TEX14: variants seen among roughly 807,000 people sequenced by gnomAD.
The protein encoded by TEX14 is inactive serine/threonine-protein kinase TEX14.
A neutral mutation model predicts 178.6 loss-of-function variants in TEX14; 168 were observed. The ratio of observed to expected loss-of-function variants is 0.94; its 90% CI spans 0.83 to 1.07. The LOEUF (loss-of-function observed/expected upper bound fraction) is 1.07, where lower values mean the gene tolerates loss of function less well. TEX14 is among the 50% of genes least tolerant of loss of function. The pLI is 0.00. For missense variants in TEX14, 1,730 were observed against 1,753.6 expected (o/e 0.99, Z 0.24); for synonymous variants, 626 against 634.1 (o/e 0.99, Z 0.19).
intron 2 of TEX14, among the ~76,000 whole-genome samples, chr17:58,635,459 T>C: frequency 6.9e-6 from 1 of 143,914 alleles, no homozygotes; most frequent in African/African-American, 2.6e-5. Context: ...AGACAGAGTC[T>C]CACTCCGTAG....
chr17:58,559,133 G>T (rs1331666487), intron 30 of TEX14, among the ~76,000 whole-genome samples: 1 of 152,106 alleles, frequency 6.6e-6, no homozygotes, highest in Non-Finnish European at 1.5e-5. Context: ...TCGTGCCACT[G>T]CACTCCAGCC....
At chr17:58,593,920 C>T (rs1433116464) in intron 14 of TEX14, among the ~76,000 whole-genome samples, 1 of 151,952 alleles carries the variant, frequency 6.6e-6, no homozygotes. Flanking sequence ...CTGCAACCTC[C>T]GCCTCTCAGG....
intron 2 of TEX14, chr17:58,631,783 A>T (rs564620054): frequency 6.6e-6 from 1 of 152,296 alleles, no homozygotes; most frequent in African/African-American, 2.4e-5. Flanking sequence ...CTACACGTTC[A>T]GATATACTCC....
chr17:58,598,182 C>T (rs187913621), intron 14 of TEX14, among the ~76,000 whole-genome samples: 4 of 151,998 alleles, frequency 2.6e-5, no homozygotes, highest in Non-Finnish European at 4.4e-5. Flanking sequence ...GGCATGGTGG[C>T]GCATGACTGT....
Position 58,655,100 on chromosome 17 carries a change from A to C in TEX14, c.-1-3098T>G, listed in dbSNP as rs2143290095. On this transcript the variant is annotated intron_variant, in intron 1 of 31. Transcript: ENST00000349033. The stretch of plus-strand genomic sequence containing the variant: ...CCCAGGCTGAAGTGCAGTGGTGAGA[A>C]TGGCTGAAGTGCAGCCATTCTCCTG... Among the ~76,000 whole-genome samples, 2 of 149,728 alleles carry C rather than the reference A, an allele frequency of 1.3e-5. 1 individual carries two copies. Among genetic ancestry groups the C allele is most frequent in the East Asian group, 3.9e-4 (2 of 5,084 alleles).
At chr17:58,582,163 G>T (rs2044837159) in intron 19 of TEX14, among the ~76,000 whole-genome samples, 1 of 152,134 alleles carries the variant, frequency 6.6e-6, no homozygotes, top group Non-Finnish European at 1.5e-5. Flanking sequence ...TGAGTCCCTT[G>T]AGTATTATAG....
At chr17:58,636,289 G>A (rs2046432286) in intron 2 of TEX14, among the ~76,000 whole-genome samples, 1 of 152,202 alleles carries the variant, frequency 6.6e-6, no homozygotes, top group East Asian at 1.9e-4. Flanking sequence ...CACAAGAAGT[G>A]ACCAGAGGCA....
intron 2 of TEX14, among the ~76,000 whole-genome samples, chr17:58,651,068 G>C (rs765736912): frequency 5.9e-5 from 9 of 152,174 alleles, no homozygotes; most frequent in Non-Finnish European, 1.2e-4. Context: ...AGAAGTTCTA[G>C]ACCAGCCTGA....
At chr17:58,641,792 G>A (rs1160337799) in intron 2 of TEX14, among the ~76,000 whole-genome samples, 2 of 152,160 alleles carry the variant, frequency 1.3e-5, no homozygotes, top group African/African-American at 4.8e-5. Context: ...ACAGGCGTAA[G>A]CCACTGCGCC....
At chr17:58,572,808 G>A (rs2044569384) in intron 23 of TEX14, among the ~76,000 whole-genome samples, 1 of 152,222 alleles carries the variant, frequency 6.6e-6, no homozygotes, top group Non-Finnish European at 1.5e-5. Flanking sequence ...GAGGATATTT[G>A]ATGCTGGTTG....
rs377724355 is a variant in TEX14 at position 58,561,478 on chromosome 17, C to T, written c.4157+42G>A. On this transcript the variant is annotated intron_variant, in intron 29 of 31. Coordinates refer to ENST00000349033, the MANE Select transcript of TEX14 (RefSeq NM_031272.5). ...AGAAGTCTAAAACCTAGCCCCACTT[C>T]CTGAAAAAGAAGAAAAGGATTCCCC... The T allele has an allele frequency of 3.0e-4, 421 of 1,390,498 alleles. 1 individual carries two copies. The highest frequency in any genetic ancestry group is 4.1e-4 in the Non-Finnish European group (398 of 979,714). The allele number at this position is 1,390,498 out of a possible 1,614,324, so 86.1% of individuals were successfully genotyped here.
Position 58,569,133 on chromosome 17 carries a change from G to A in TEX14, c.3886+59C>T. Reference sequence around the variant, plus strand: ...ACACTTGAGACAAAGACACCATACTGTGGTCAGTGACATAACTAACAGGGC... The same window carrying A: ...ACACTTGAGACAAAGACACCATACTATGGTCAGTGACATAACTAACAGGGC... On this transcript the variant is annotated intron_variant, in intron 26 of 31. Transcript: ENST00000349033. This position sits in a 1 kb window ranked among gnomAD's most constrained non-coding sequence, Gnocchi z 4.1. The A allele has an allele frequency of 7.4e-7, 1 of 1,353,832 alleles. No individual in the cohort carries two copies. Among genetic ancestry groups the A allele is most frequent in the South Asian group, 1.2e-5 (1 of 83,950 alleles). The allele number at this position is 1,353,832 out of a possible 1,614,324, so 83.9% of individuals were successfully genotyped here. A position where few individuals can be genotyped will look rare whatever the true frequency, so the allele number is the denominator to read the frequency against.
At chr17:58,565,720 T>G in intron 27 of TEX14, 27 bp downstream of exon 27, 1 of 1,564,714 alleles carries the variant, frequency 6.4e-7, no homozygotes, top group South Asian at 1.1e-5. Context: ...AAGAACCTGA[T>G]GAAAACAATC....
chr17:58,679,590 A>T (rs1301873896), intron 1 of TEX14: 1 of 152,302 alleles, frequency 6.6e-6, no homozygotes, highest in East Asian at 1.9e-4. Flanking sequence ...CCACATTTGT[A>T]GAAAACCACA....
At chr17:58,638,695 C>G (rs954258050) in intron 2 of TEX14, among the ~76,000 whole-genome samples, 1 of 151,716 alleles carries the variant, frequency 6.6e-6, no homozygotes, top group South Asian at 2.1e-4. Context: ...TATGCCACGA[C>G]GCCTGCCTAA....
At chr17:58,663,131 C>A (rs2047146950) in intron 1 of TEX14, among the ~76,000 whole-genome samples, 1 of 146,128 alleles carries the variant, frequency 6.8e-6, no homozygotes, top group South Asian at 2.2e-4. Context: ...AAAGAAAAGT[C>A]ATTAATGTTG....
chr17:58,563,740 C>A (rs73327338), intron 28 of TEX14, among the ~76,000 whole-genome samples: 2 of 123,770 alleles, frequency 1.6e-5, no homozygotes, highest in Non-Finnish European at 3.4e-5. Context: ...AGAGAGAGAT[C>A]ATACATATAT....
At chr17:58,557,684 C>T in intron 31 of TEX14, 115 bp downstream of exon 31, 1 of 784,278 alleles carries the variant, frequency 1.3e-6, no homozygotes, top group African/African-American at 1.7e-5. Context: ...GCAACTTTGT[C>T]TAAATTGGAG....
intron 1 of TEX14, chr17:58,677,428 C>G (rs1374586216): frequency 6.6e-6 from 1 of 152,162 alleles, no homozygotes; most frequent in African/African-American, 2.4e-5. Flanking sequence ...ACCAAGGAAG[C>G]CTGTTACTAT....
Sources: allele counts gnomAD v4.1 joint callset (sites outside exome capture counted in the v4.1 genomes callset), GRCh38; gene constraint gnomAD v4.1.1; non-coding constraint Gnocchi (gnomAD v3.1); transcripts MANE v1.5; gene names NCBI Gene and HGNC (gene_info 2026-07-23, HGNC 2026-07-21).